RBKS: variants seen among roughly 807,000 people sequenced by gnomAD.
RBKS encodes the protein ribokinase.
A neutral mutation model predicts 33.9 loss-of-function variants in RBKS; 33 were observed. The ratio of observed to expected loss-of-function variants is 0.97; its 90% CI spans 0.74 to 1.30. The LOEUF (loss-of-function observed/expected upper bound fraction) is 1.30, where lower values mean the gene tolerates loss of function less well. Ranked by LOEUF, RBKS falls within the 50% of genes most tolerant of loss-of-function variation. The probability of loss-of-function intolerance (pLI) is 0.00; values close to 1 mark genes in which losing one functional copy is unlikely to be tolerated. For synonymous variants in RBKS, 125 were observed against 143.0 expected (o/e 0.87, Z 0.90); for missense variants, 361 against 392.6 (o/e 0.92, Z 0.68).
intron 1 of RBKS, among the ~76,000 whole-genome samples, chr2:27,882,790 G>C (rs1475088699): frequency 6.6e-6 from 1 of 152,158 alleles, no homozygotes; most frequent in Admixed American, 6.5e-5. Context: ...ACATGATGGA[G>C]CTGGAGGCCA....
At chr2:27,870,651 C>G in intron 1 of RBKS, 1 of 373,356 alleles carries the variant, frequency 2.7e-6, no homozygotes, top group Non-Finnish European at 5.4e-6. Flanking sequence ...TTTTGGCTAG[C>G]CAGCATTTCT....
At chr2:27,875,037 G>A (rs1664284975) in intron 1 of RBKS, among the ~76,000 whole-genome samples, 1 of 152,080 alleles carries the variant, frequency 6.6e-6, no homozygotes, top group Non-Finnish European at 1.5e-5. Context: ...ACCCATGGCT[G>A]GCAACTCACA....
intron 7 of RBKS, among the ~76,000 whole-genome samples, chr2:27,796,259 G>C (rs1486864856): frequency 6.6e-6 from 1 of 152,062 alleles, no homozygotes; most frequent in African/African-American, 2.4e-5. Flanking sequence ...TTTAAAAGTA[G>C]GAGCTGTATT....
At chr2:27,868,580 G>C (rs992302844) in intron 1 of RBKS, among the ~76,000 whole-genome samples, 1 of 152,130 alleles carries the variant, frequency 6.6e-6, no homozygotes, top group African/African-American at 2.4e-5. Flanking sequence ...ATTTATATAA[G>C]AGCATAAGAA....
At chr2:27,800,585 C>A (rs1212434355) in intron 7 of RBKS, among the ~76,000 whole-genome samples, 1 of 152,154 alleles carries the variant, frequency 6.6e-6, no homozygotes, top group African/African-American at 2.4e-5. Context: ...ATCTCAGTGG[C>A]CCCTTAAGTT....
chr2:27,885,056 T>G (rs1236846784), intron 1 of RBKS, among the ~76,000 whole-genome samples: 1 of 151,960 alleles, frequency 6.6e-6, no homozygotes, highest in Non-Finnish European at 1.5e-5. Flanking sequence ...TTTCTTCACC[T>G]CCTCAATTTG....
At position 27,781,747 on chromosome 2, in the gene RBKS, C is replaced by A. The variant is rs201897352; in HGVS notation, c.837G>T (p.Leu279=). Residue 279 remains leucine (L), a synonymous_variant, in exon 8 of 8, where the codon CTG becomes CTT. Coordinates refer to ENST00000302188, the MANE Select transcript of RBKS (RefSeq NM_022128.3). ...DSFVGALAFY[L]AYYPNLSLED... ...CCAAGGACAGATTTGGATAGTAAGC[C>A]AGGTAGAAGGCCAGAGCTCCCACAA... 1 of 1,613,644 alleles carries A rather than the reference C, an allele frequency of 6.2e-7. No individual in the cohort carries two copies. Among genetic ancestry groups the A allele is most frequent in the African/African-American group, 1.3e-5 (1 of 74,874 alleles).
At chr2:27,868,773 C>T (rs190126438) in intron 1 of RBKS, among the ~76,000 whole-genome samples, 1 of 152,242 alleles carries the variant, frequency 6.6e-6, no homozygotes, top group African/African-American at 2.4e-5. Flanking sequence ...ATTCTTTATG[C>T]CTGAAAGTTC....
chr2:27,848,292 T>A (rs1663664730), intron 2 of RBKS, among the ~76,000 whole-genome samples, 195 bp from the exon 3 acceptor site: 1 of 152,218 alleles, frequency 6.6e-6, no homozygotes, highest in South Asian at 2.1e-4. Flanking sequence ...TTCACTTATA[T>A]CCTACTTAAA....
At chr2:27,865,471 A>C (rs189438592) in intron 1 of RBKS, among the ~76,000 whole-genome samples, 1 of 152,114 alleles carries the variant, frequency 6.6e-6, no homozygotes. Flanking sequence ...ATGACATTAC[A>C]ATACTCATTT....
At chr2:27,864,181 C>T (rs937349551) in intron 1 of RBKS, among the ~76,000 whole-genome samples, 1 of 151,738 alleles carries the variant, frequency 6.6e-6, no homozygotes, top group African/African-American at 2.4e-5. Context: ...GGCACACAAC[C>T]ATGCCCAACT....
Position 27,843,176 on chromosome 2 carries a change from A to T in RBKS, c.405T>A (p.Asp135Glu). ...TAATGACATTGGCTGCTGCCCTCAG[A>T]TCCTCCGTATTCAAAAGTAAATTTG... is the stretch of plus-strand genomic sequence containing the variant. ...AGANLLLNTE[D>E]LRAAANVISR... Residue 135 changes from aspartate to glutamate, a missense_variant, in exon 5 of 8, where the codon GAT becomes GAA. By Grantham distance (45) the Asp-to-Glu change is conservative (BLOSUM62 2). Transcript: ENST00000302188. The T allele has an allele frequency of 6.2e-7, 1 of 1,612,988 alleles. No individual in the cohort carries two copies. Among genetic ancestry groups the T allele is most frequent in the Non-Finnish European group, 8.5e-7 (1 of 1,179,476 alleles).
chr2:27,868,248 TTATC>T (rs1664137328), intron 1 of RBKS, among the ~76,000 whole-genome samples: 1 of 152,208 alleles, frequency 6.6e-6, no homozygotes, highest in African/African-American at 2.4e-5. Flanking sequence ...AAATTTTAAT[TTATC>T]TACTATTTTT....
chr2:27,813,237 C>G (rs1678026371), intron 7 of RBKS, among the ~76,000 whole-genome samples: 1 of 152,158 alleles, frequency 6.6e-6, no homozygotes, highest in Admixed American at 6.6e-5. Context: ...GATAAGCTCA[C>G]AGCCCGCAAT....
At chr2:27,788,461 T>G (rs1454631642) in intron 7 of RBKS, among the ~76,000 whole-genome samples, 1 of 152,152 alleles carries the variant, frequency 6.6e-6, no homozygotes, top group East Asian at 1.9e-4. Context: ...ATCCCAGCAC[T>G]TTCGGAGGCC....
At chr2:27,839,052 CCT>C (rs1166352781) in intron 5 of RBKS, among the ~76,000 whole-genome samples, 19 of 152,202 alleles carry the variant, frequency 1.2e-4, no homozygotes, top group East Asian at 7.7e-4. Flanking sequence ...AGAAAATCAC[CCT>C]GAGTGAAGAC....
At chr2:27,797,244 T>C (rs1212382307) in intron 7 of RBKS, among the ~76,000 whole-genome samples, 2 of 152,194 alleles carry the variant, frequency 1.3e-5, no homozygotes, top group Admixed American at 6.5e-5. Flanking sequence ...CAAAGTGGCA[T>C]TGCGCAAGGG....
At chr2:27,840,382 A>G (rs1198382492) in intron 5 of RBKS, among the ~76,000 whole-genome samples, 1 of 150,062 alleles carries the variant, frequency 6.7e-6, no homozygotes, top group Non-Finnish European at 1.5e-5. Flanking sequence ...ACACACACAC[A>G]CACACACACA....
intron 7 of RBKS, among the ~76,000 whole-genome samples, chr2:27,792,532 C>A (rs567397714): frequency 1.8e-4 from 28 of 152,358 alleles, no homozygotes; most frequent in African/African-American, 6.7e-4. Context: ...TTTGCTTCCA[C>A]TGAATCTATC....
Sources: allele counts gnomAD v4.1 joint callset (sites outside exome capture counted in the v4.1 genomes callset), GRCh38; gene constraint gnomAD v4.1.1; transcripts MANE v1.5; gene names NCBI Gene and HGNC (gene_info 2026-07-23, HGNC 2026-07-21).